Variants in CYTH1 observed in about 807,000 individuals in gnomAD.
CYTH1 encodes the protein cytohesin 1, also known as cytohesin-1.
In CYTH1, 18 loss-of-function variants were observed where a neutral mutation model predicts 61.8. That is an observed-to-expected ratio of 0.29 (90% CI 0.20 to 0.43). CYTH1 has a LOEUF of 0.43. Among genes scored for constraint, CYTH1 ranks in the 20% least tolerant of loss-of-function variants. CYTH1 has a pLI of 1.00. For missense variants in CYTH1, 336 were observed against 510.5 expected, an observed-to-expected ratio of 0.66 and a Z score of 3.29; for synonymous variants, 174 against 184.3, an observed-to-expected ratio of 0.94 and a Z score of 0.45.
Position 78,675,938 on chromosome 17 carries a change from T to G in CYTH1, c.*153A>C. On this transcript the variant is annotated 3_prime_UTR_variant, in exon 14 of 14. Coordinates refer to ENST00000446868, the MANE Select transcript of CYTH1 (RefSeq NM_004762.6). ...TGATAACTGCCCACCCTTCTCCCACTTAAAAAAAATAGCAAAAGCTGAAGC... is the reference window on the plus strand; with the variant it reads ...TGATAACTGCCCACCCTTCTCCCACGTAAAAAAAATAGCAAAAGCTGAAGC... 1 of 1,546,980 alleles carries G rather than the reference T, an allele frequency of 6.5e-7. No individual in the cohort carries two copies.
chr17:78,709,467 A>G, intron 2 of CYTH1, 183 bp downstream of exon 2: 1 of 598,642 alleles, frequency 1.7e-6, no homozygotes, highest in Non-Finnish European at 2.9e-6. Context: ...CCTCTCTGAC[A>G]CTGCATCTCC....
chr17:78,767,498 C>T (rs1482988500), intron 1 of CYTH1, among the ~76,000 whole-genome samples: 1 of 151,822 alleles, frequency 6.6e-6, no homozygotes, highest in Admixed American at 6.6e-5. Context: ...AAAGCAAATA[C>T]CCTGACACAA....
intron 2 of CYTH1, 166 bp downstream of exon 2, chr17:78,709,484 G>A: frequency 3.1e-6 from 2 of 644,684 alleles, no homozygotes; most frequent in East Asian, 2.8e-5. Flanking sequence ...CTCCTCAGCT[G>A]TAGAGGAAAG....
chr17:78,764,894 C>G (rs902319775), intron 1 of CYTH1, among the ~76,000 whole-genome samples: 6 of 151,820 alleles, frequency 4.0e-5, no homozygotes, highest in African/African-American at 1.5e-4. Context: ...ACTGACCATG[C>G]GTAATAAACA....
intron 1 of CYTH1, among the ~76,000 whole-genome samples, chr17:78,724,625 A>C (rs1316061420): frequency 2.0e-5 from 3 of 152,228 alleles, no homozygotes; most frequent in African/African-American, 7.2e-5. Context: ...CTGCGGGACA[A>C]AACTGTCCTG....
intron 3 of CYTH1, among the ~76,000 whole-genome samples, chr17:78,706,278 T>G (rs2093064739): frequency 6.6e-6 from 1 of 152,132 alleles, no homozygotes; most frequent in African/African-American, 2.4e-5. Context: ...CCTATGGCCC[T>G]TCCTAGTCAA....
chr17:78,705,933 G>T (rs1254663463), intron 3 of CYTH1, among the ~76,000 whole-genome samples: 1 of 152,086 alleles, frequency 6.6e-6, no homozygotes, highest in Non-Finnish European at 1.5e-5. Context: ...AAAACAAAGG[G>T]CACACTGAAT....
intron 1 of CYTH1, among the ~76,000 whole-genome samples, chr17:78,716,626 T>C (rs2093183012): frequency 6.6e-6 from 1 of 152,222 alleles, no homozygotes; most frequent in African/African-American, 2.4e-5. Flanking sequence ...ACACCTCATT[T>C]TTCTAGTGGA....
chr17:78,678,921 C>T (rs1406407341), intron 13 of CYTH1, among the ~76,000 whole-genome samples: 2 of 152,234 alleles, frequency 1.3e-5, no homozygotes, highest in Non-Finnish European at 2.9e-5. Context: ...CGTGACCTGG[C>T]GCCAAATCCA....
intron 8 of CYTH1, 48 bp from the exon 9 acceptor site, chr17:78,698,428 T>G: frequency 1.4e-6 from 2 of 1,452,210 alleles, no homozygotes; most frequent in East Asian, 4.5e-5. Flanking sequence ...GAAATATTTT[T>G]TCCTCCTCCC....
chr17:78,717,641 G>T lies in CYTH1; in HGVS notation c.23-7909C>A, dbSNP rs2093192996. Among the ~76,000 whole-genome samples the T allele has an allele frequency of 6.6e-6, 1 of 152,116 alleles. No homozygotes were observed. The highest frequency in any genetic ancestry group is 1.5e-5 in the Non-Finnish European group (1 of 68,026). ...AGGACGATACATGAGCACACGGCGG[G>T]CTCTAGTCTAAAATCCTGCAACCCG... On this transcript the variant is annotated intron_variant, in intron 1 of 13. Transcript: ENST00000446868. The surrounding 1 kb of genome is among the most constrained non-coding windows in gnomAD (Gnocchi z 4.4).
At chr17:78,699,086 GC>G in intron 7 of CYTH1, 118 bp from the exon 8 acceptor site, 1 of 1,279,172 alleles carries the variant, frequency 7.8e-7, no homozygotes, top group Non-Finnish European at 1.1e-6. Flanking sequence ...CATGTTCTCG[GC>G]CAGATGCAGT....
In CYTH1 at chr17:78,692,529, A is replaced by T. The variant is rs1256874865; in HGVS notation, c.815-36T>A. ...AAAAGAGATGCACGTTCGACAAGAG[A>T]CAACCAGACAAGTGCAGGCTCCACG... On this transcript the variant is annotated intron_variant, in intron 10 of 13. Coordinates refer to ENST00000446868, the MANE Select transcript of CYTH1 (RefSeq NM_004762.6). The T allele has an allele frequency of 3.1e-6, 5 of 1,605,172 alleles. No homozygotes were observed. The Admixed American group carries it at 6.7e-5, about 21-fold the overall frequency.
chr17:78,736,065 G>A (rs1011839440), intron 1 of CYTH1, among the ~76,000 whole-genome samples: 3 of 152,200 alleles, frequency 2.0e-5, no homozygotes, highest in Non-Finnish European at 4.4e-5. Flanking sequence ...GCTTCAAACA[G>A]TCCTCACCTA....
At position 78,691,283 on chromosome 17, in the gene CYTH1, G is replaced by C. The variant is rs1044672732; in HGVS notation, c.891+1134C>G. 2.6e-5 allele frequency: 4 copies of C among 152,240 alleles called. No individual in the cohort carries two copies. The South Asian group carries it at 8.3e-4, about 31-fold the overall frequency. 9.4% of individuals were successfully genotyped at this position (152,240 alleles called of 1,614,324 possible). A position where few individuals can be genotyped will look rare whatever the true frequency, so the allele number is the denominator to read the frequency against. ...TCTTGCCTGCAGCCTGATGGGCTACGAAGTGCATTCCCTGGGTGAGAAGCT... is the reference window on the plus strand; with the variant it reads ...TCTTGCCTGCAGCCTGATGGGCTACCAAGTGCATTCCCTGGGTGAGAAGCT... On this transcript the variant is annotated intron_variant, in intron 11 of 13. Coordinates refer to ENST00000446868, the MANE Select transcript of CYTH1 (RefSeq NM_004762.6).
At chr17:78,688,514 C>T (rs2092840724) in intron 11 of CYTH1, among the ~76,000 whole-genome samples, 1 of 152,216 alleles carries the variant, frequency 6.6e-6, no homozygotes, top group African/African-American at 2.4e-5. Context: ...ACATGTGCCA[C>T]CTTTTGAACC....
chr17:78,689,844 G>A (rs1312913209), intron 11 of CYTH1, among the ~76,000 whole-genome samples: 3 of 152,068 alleles, frequency 2.0e-5, no homozygotes, highest in Admixed American at 1.3e-4. Flanking sequence ...AACAAGTCCT[G>A]TTCAGTTTGC....
At chr17:78,719,622 C>T (rs754937088) in intron 1 of CYTH1, among the ~76,000 whole-genome samples, 5 of 152,150 alleles carry the variant, frequency 3.3e-5, no homozygotes, top group Non-Finnish European at 7.3e-5. Flanking sequence ...CAACCAAAAT[C>T]CAGTGTATCT....
chr17:78,754,048 G>T, intron 1 of CYTH1, among the ~76,000 whole-genome samples: 1 of 152,128 alleles, frequency 6.6e-6, no homozygotes, highest in East Asian at 1.9e-4. Context: ...GATACACGTG[G>T]AGTAGGGAGG....
Sources: gnomAD v4.1 joint callset for allele counts (sites outside exome capture counted in the v4.1 genomes callset) on GRCh38, gnomAD v4.1.1 for gene constraint, Gnocchi (gnomAD v3.1) non-coding constraint, MANE v1.5 for transcripts, NCBI Gene and HGNC (gene_info 2026-07-23, HGNC 2026-07-21) for gene names.